TIMP3: variants seen among roughly 807,000 people sequenced by gnomAD.
The protein encoded by TIMP3 is metalloproteinase inhibitor 3.
TIMP3 carries 11 observed loss-of-function variants against 30.0 expected under a neutral mutation model. The ratio of observed to expected loss-of-function variants is 0.37; its 90% CI spans 0.23 to 0.61. The LOEUF is 0.61. Ranked by LOEUF, TIMP3 falls within the 20% of genes least tolerant of loss-of-function variation. The probability of loss-of-function intolerance (pLI) is 0.70; values close to 1 mark genes in which losing one functional copy is unlikely to be tolerated. For synonymous variants in TIMP3, 112 were observed against 111.3 expected (o/e 1.01, Z -0.04); for missense variants, 181 against 276.8 (o/e 0.65, Z 2.45).
intron 1 of TIMP3, among the ~76,000 whole-genome samples, chr22:32,804,394 T>C (rs1215839761): frequency 6.6e-6 from 1 of 152,202 alleles, no homozygotes; most frequent in Non-Finnish European, 1.5e-5. Flanking sequence ...AACTGTCTAT[T>C]CTCGCCCTCA....
intron 1 of TIMP3, among the ~76,000 whole-genome samples, chr22:32,831,336 G>A (rs1226216367): frequency 6.6e-6 from 1 of 152,224 alleles, no homozygotes; most frequent in Non-Finnish European, 1.5e-5. Context: ...ACCCAGAGAA[G>A]AGGTGAATTG....
rs183381496 is a variant in TIMP3, at chr22:32,823,313, G to A, written c.121+21191G>A. Among the ~76,000 whole-genome samples, 4 of 152,308 alleles carry A rather than the reference G, an allele frequency of 2.6e-5. No homozygotes were observed. In the East Asian group the frequency reaches 5.8e-4, roughly 22 times the overall value. On this transcript the variant is annotated intron_variant, in intron 1 of 4. Transcript: ENST00000266085. Reference sequence around the variant, plus strand: ...GAAATCCTCTCTCTCCAAGGTCCCTGCAGGAGATGGGACCTGCCACAGAGA... The same window carrying A: ...GAAATCCTCTCTCTCCAAGGTCCCTACAGGAGATGGGACCTGCCACAGAGA...
chr22:32,807,691 C>T (rs2046802428), intron 1 of TIMP3, among the ~76,000 whole-genome samples: 1 of 150,782 alleles, frequency 6.6e-6, no homozygotes, highest in Non-Finnish European at 1.5e-5. Context: ...AGCCCCTTCA[C>T]CCTGGCTCTA....
chr22:32,810,057 C>A (rs967318799), intron 1 of TIMP3, among the ~76,000 whole-genome samples: 3 of 152,192 alleles, frequency 2.0e-5, no homozygotes, highest in Non-Finnish European at 4.4e-5. Context: ...CAGATATTTT[C>A]CTATGTTCAT....
chr22:32,834,826 A>G (rs2047682903), intron 1 of TIMP3, among the ~76,000 whole-genome samples: 1 of 152,250 alleles, frequency 6.6e-6, no homozygotes, highest in African/African-American at 2.4e-5. Flanking sequence ...CATGAGACCC[A>G]GAAATGACTG....
At chr22:32,811,964 C>G (rs1393836276) in intron 1 of TIMP3, among the ~76,000 whole-genome samples, 1 of 152,164 alleles carries the variant, frequency 6.6e-6, no homozygotes, top group Admixed American at 6.5e-5. Context: ...AACCGCTCCC[C>G]TATCCACTGC....
chr22:32,855,889 T>C (rs907292017), intron 2 of TIMP3, among the ~76,000 whole-genome samples: 10 of 152,240 alleles, frequency 6.6e-5, no homozygotes, highest in Non-Finnish European at 1.5e-4. Context: ...CGTGGTTCAA[T>C]CTAACAATTA....
chr22:32,835,187 A>G (rs1345185403), intron 1 of TIMP3, among the ~76,000 whole-genome samples: 2 of 152,224 alleles, frequency 1.3e-5, no homozygotes, highest in Non-Finnish European at 2.9e-5. Context: ...AGAGAAAGGT[A>G]GGGTGATACA....
chr22:32,838,259 G>C (rs764831987), intron 1 of TIMP3, among the ~76,000 whole-genome samples: 3 of 152,174 alleles, frequency 2.0e-5, no homozygotes, highest in African/African-American at 4.8e-5. Flanking sequence ...GGAGAAGGAG[G>C]GGGGGTGGCA....
rs1393610540 is a variant in TIMP3 at position 32,862,332 on chromosome 22, C to T, written c.*2955C>T. ...GGCTCTCAGCTCTCGGGCCAGTGCT[C>T]TGCTCTGTCCAGGGTAGGTAATACT... On this transcript the variant is annotated 3_prime_UTR_variant, in exon 5 of 5. Coordinates refer to ENST00000266085, the MANE Select transcript of TIMP3 (RefSeq NM_000362.5). 6.6e-6 allele frequency: 1 copy of T among 152,246 alleles called. No homozygotes were observed. Among genetic ancestry groups the T allele is most frequent in the Admixed American group, 6.5e-5 (1 of 15,288 alleles). 9.4% of individuals were successfully genotyped at this position (152,246 alleles called of 1,614,324 possible).
chr22:32,852,134 C>T (rs1308414410), intron 2 of TIMP3, among the ~76,000 whole-genome samples: 1 of 152,206 alleles, frequency 6.6e-6, no homozygotes, highest in Admixed American at 6.5e-5. Context: ...AAATAGATAA[C>T]ACCTTGTCCT....
At chr22:32,802,339 G>A (rs1267131178) in intron 1 of TIMP3, among the ~76,000 whole-genome samples, 1 of 152,136 alleles carries the variant, frequency 6.6e-6, no homozygotes, top group Admixed American at 6.5e-5. Context: ...GGCTGAGGGA[G>A]CCCCTGGCCG....
At chr22:32,842,791 G>A (rs1032742840) in intron 1 of TIMP3, among the ~76,000 whole-genome samples, 2 of 152,106 alleles carry the variant, frequency 1.3e-5, no homozygotes, top group African/African-American at 4.8e-5. Context: ...CAGATGATAC[G>A]ATATACTGTT....
chr22:32,843,378 G>A (rs1456347712), intron 1 of TIMP3, among the ~76,000 whole-genome samples: 1 of 152,218 alleles, frequency 6.6e-6, no homozygotes, highest in Non-Finnish European at 1.5e-5. Context: ...CTGGAAGAGT[G>A]AGAGAGCCTG....
In TIMP3 at chr22:32,861,083, T is replaced by A. The variant is rs1157073673; in HGVS notation, c.*1706T>A. 6.6e-6 allele frequency: 1 copy of A among 152,346 alleles called. No individual in the cohort carries two copies. The highest frequency in any genetic ancestry group is 1.5e-5 in the Non-Finnish European group (1 of 67,974). The allele number at this position is 152,346 out of a possible 1,614,324, so 9.4% of individuals were successfully genotyped here. On this transcript the variant is annotated 3_prime_UTR_variant, in exon 5 of 5. Coordinates refer to ENST00000266085, the MANE Select transcript of TIMP3 (RefSeq NM_000362.5). ...TTGAACATGATTGCTCTCTGTCTCTTTTTTCAGCTTATGGGTATTTATCTT... is the reference window on the plus strand; with the variant it reads ...TTGAACATGATTGCTCTCTGTCTCTATTTTCAGCTTATGGGTATTTATCTT...
intron 1 of TIMP3, among the ~76,000 whole-genome samples, chr22:32,819,270 G>A (rs1421846336): frequency 6.6e-6 from 1 of 152,252 alleles, no homozygotes; most frequent in Non-Finnish European, 1.5e-5. Flanking sequence ...AGATCCCCAG[G>A]ACCAAAGGTC....
intron 2 of TIMP3, among the ~76,000 whole-genome samples, chr22:32,850,696 C>CTTA (rs1336270309): frequency 6.6e-6 from 1 of 152,156 alleles, no homozygotes; most frequent in Non-Finnish European, 1.5e-5. Context: ...AGCCCTTTAA[C>CTTA]TTATTGCTCA....
chr22:32,846,084 T>A (rs1202380052), intron 1 of TIMP3, among the ~76,000 whole-genome samples: 1 of 152,170 alleles, frequency 6.6e-6, no homozygotes, highest in Non-Finnish European at 1.5e-5. Context: ...TAGTGAAGTT[T>A]TGTTTTTGTA....
At position 32,862,654 on chromosome 22, in the gene TIMP3, C is replaced by A. The variant is rs912487821; in HGVS notation, c.*3277C>A. ...CATTATAAAAATCTGATGGCAAAAG[C>A]AAAACAAAATGGAAAGTAGGGGAGG... is the stretch of plus-strand genomic sequence containing the variant. On this transcript the variant is annotated 3_prime_UTR_variant, in exon 5 of 5. Transcript: ENST00000266085. 5.9e-5 allele frequency: 9 copies of A among 152,304 alleles called. No homozygotes were observed. Among genetic ancestry groups the A allele is most frequent in the African/African-American group, 2.2e-4 (9 of 41,552 alleles). 9.4% of individuals were successfully genotyped at this position (152,304 alleles called of 1,614,324 possible).
Sources: gnomAD v4.1 joint callset for allele counts (sites outside exome capture counted in the v4.1 genomes callset) on GRCh38, gnomAD v4.1.1 for gene constraint, MANE v1.5 for transcripts, NCBI Gene and HGNC (gene_info 2026-07-23, HGNC 2026-07-21) for gene names.